The following TTBK2 variants were observed in gnomAD, a reference collection of about 807,000 sequenced individuals.
TTBK2 encodes tau tubulin kinase 2, also known as tau-tubulin kinase 2.
TTBK2 carries 28 observed loss-of-function variants against 110.8 expected under a neutral mutation model. The ratio of observed to expected loss-of-function variants is 0.25; its 90% CI spans 0.19 to 0.35. The LOEUF is 0.35. Among genes scored for constraint, TTBK2 ranks in the 10% least tolerant of loss-of-function variants. The pLI is 1.00. For synonymous variants in TTBK2, 532 were observed against 527.3 expected (o/e 1.01, Z -0.12); for missense variants, 1,369 against 1,500.3 (o/e 0.91, Z 1.45).
At chr15:42,917,613 A>G (rs1163767862) in intron 1 of TTBK2, among the ~76,000 whole-genome samples, 1 of 152,080 alleles carries the variant, frequency 6.6e-6, no homozygotes, top group African/African-American at 2.4e-5. Context: ...TTTCGGCATA[A>G]AAGGTTCTAT....
intron 1 of TTBK2, among the ~76,000 whole-genome samples, chr15:42,884,366 G>A (rs1002248165): frequency 3.5e-4 from 53 of 152,234 alleles, no homozygotes; most frequent in African/African-American, 1.2e-3. Flanking sequence ...CTTGTTCAGC[G>A]CTCATAAAGC....
At position 42,744,299 on chromosome 15, in the gene TTBK2, T is replaced by A. The variant is rs928707597; in HGVS notation, c.*1496A>T. On this transcript the variant is annotated 3_prime_UTR_variant, in exon 15 of 15. Transcript: ENST00000267890. ...GCTTCAGGGCAGCTTTGATGCAGCA[T>A]TAGAAGATGTTCACTTGGGGAGGAA... The A allele has an allele frequency of 6.6e-6, 1 of 152,184 alleles. No homozygotes were observed. Among genetic ancestry groups the A allele is most frequent in the African/African-American group, 2.4e-5 (1 of 41,448 alleles). 9.4% of individuals were successfully genotyped at this position (152,184 alleles called of 1,614,324 possible).
intron 3 of TTBK2, chr15:42,857,593 T>A (rs1217066865): frequency 6.6e-6 from 1 of 151,782 alleles, no homozygotes; most frequent in East Asian, 1.9e-4. Flanking sequence ...CTCCAATGAG[T>A]CTCTAATCCA....
Position 42,746,181 on chromosome 15 carries a change from T to C in TTBK2, c.3349A>G (p.Asn1117Asp). Residue 1117 changes from asparagine to aspartate, a missense_variant, in exon 15 of 15, where the codon AAT becomes GAT. This residue lies in a region of TTBK2 where 1,097 missense variants were observed against 1,114.7 expected (regional missense o/e 0.98). Transcript: ENST00000267890. ...GTGCTCCGGGGTTTCTGAGATCCAT[T>C]TTGAAGAATTTGGGCCAGGCGGGAG... The part of the protein sequence containing the change: ...LFSRLAQILQ[N>D]GSQKPRSTTQ... The C allele has an allele frequency of 6.2e-7, 1 of 1,614,140 alleles. No homozygotes were observed. The highest frequency in any genetic ancestry group is 8.5e-7 in the Non-Finnish European group (1 of 1,180,016).
intron 10 of TTBK2, 97 bp from the exon 11 acceptor site, chr15:42,783,732 A>G: frequency 2.1e-6 from 2 of 971,632 alleles, no homozygotes. Context: ...CTCCACACAT[A>G]ATTAAGAGAG....
chr15:42,900,495 G>A (rs975499413), intron 1 of TTBK2, among the ~76,000 whole-genome samples: 3 of 151,850 alleles, frequency 2.0e-5, no homozygotes, highest in South Asian at 2.1e-4. Flanking sequence ...GACACAGGCC[G>A]ATCACTTGAG....
At chr15:42,786,934 G>A (rs1376821302) in intron 10 of TTBK2, among the ~76,000 whole-genome samples, 1 of 152,200 alleles carries the variant, frequency 6.6e-6, no homozygotes, top group Admixed American at 6.5e-5. Flanking sequence ...ACATAAGAGT[G>A]TTATTAGCAC....
intron 1 of TTBK2, among the ~76,000 whole-genome samples, chr15:42,899,160 T>C (rs1895783095): frequency 6.6e-6 from 1 of 150,400 alleles, no homozygotes; most frequent in Admixed American, 6.9e-5. Context: ...GCCTGGCTAA[T>C]TTTTTTCATA....
chr15:42,827,636 G>C (rs1892587452), intron 6 of TTBK2, among the ~76,000 whole-genome samples: 1 of 152,004 alleles, frequency 6.6e-6, no homozygotes, highest in African/African-American at 2.4e-5. Context: ...AACCGAAATA[G>C]AATTATAGCA....
chr15:42,823,578 T>C (rs1479645942), intron 6 of TTBK2, among the ~76,000 whole-genome samples: 5 of 152,192 alleles, frequency 3.3e-5, no homozygotes. Flanking sequence ...GGAAGTTCTT[T>C]CGTGGTGATA....
rs192033205 is a variant in TTBK2 at position 42,874,134 on chromosome 15, T to C, written c.70-1376A>G. On this transcript the variant is annotated intron_variant, in intron 2 of 14. Transcript: ENST00000267890. ...TTCAAACTGTCATGTTGCTTAACTT[T>C]CCATTGTCAATGTCCTATCCTGCTA... Among the ~76,000 whole-genome samples, 10 of 152,286 alleles carry C rather than the reference T, an allele frequency of 6.6e-5. No individual in the cohort carries two copies. In the East Asian group the frequency reaches 1.9e-3, roughly 29 times the overall value.
chr15:42,913,040 G>C (rs1458370792), intron 1 of TTBK2, among the ~76,000 whole-genome samples: 1 of 150,024 alleles, frequency 6.7e-6, no homozygotes, highest in Non-Finnish European at 1.5e-5. Flanking sequence ...CAGGAGAATG[G>C]CGTGAACCCG....
intron 6 of TTBK2, among the ~76,000 whole-genome samples, chr15:42,817,761 C>T (rs925289760): frequency 6.6e-6 from 1 of 152,178 alleles, no homozygotes; most frequent in Non-Finnish European, 1.5e-5. Flanking sequence ...TGTCTCCTTC[C>T]ACAATGGATT....
At chr15:42,903,998 T>G (rs937799274) in intron 1 of TTBK2, among the ~76,000 whole-genome samples, 34 of 152,182 alleles carry the variant, frequency 2.2e-4, no homozygotes, top group Non-Finnish European at 1.3e-4. Flanking sequence ...AGCAAGGAAC[T>G]GAGGCTCTCA....
At chr15:42,835,695 G>A (rs146744573) in intron 4 of TTBK2, among the ~76,000 whole-genome samples, 23 of 152,026 alleles carry the variant, frequency 1.5e-4, no homozygotes, top group Middle Eastern at 6.8e-3. Context: ...TGATATTTGT[G>A]TTATTATTAA....
chr15:42,878,644 C>T lies in TTBK2; in HGVS notation c.-27G>A. 6.2e-7 allele frequency: 1 copy of T among 1,613,784 alleles called. No individual in the cohort carries two copies. On this transcript the variant is annotated 5_prime_UTR_variant, in exon 2 of 15. It removes the in-frame stop codon of an upstream open reading frame in the 5' UTR. Transcript: ENST00000267890. The stretch of plus-strand genomic sequence containing the variant: ...GCAATACACTGATATGGTAGAACAG[C>T]TACACAGGCATCCAGTTCCCAAGGG...
chr15:42,904,792 A>G (rs527574082), intron 1 of TTBK2, among the ~76,000 whole-genome samples: 34 of 152,210 alleles, frequency 2.2e-4, no homozygotes, highest in South Asian at 8.3e-4. Context: ...TGCCATAACC[A>G]AGTATTGAGC....
At chr15:42,824,314 C>T (rs1892437550) in intron 6 of TTBK2, among the ~76,000 whole-genome samples, 2 of 152,090 alleles carry the variant, frequency 1.3e-5, no homozygotes, top group African/African-American at 4.8e-5. Context: ...CCCTCCCCCA[C>T]CAAAACGTGC....
chr15:42,850,740 TTATATC>T (rs977832381), intron 3 of TTBK2, among the ~76,000 whole-genome samples: 4 of 152,164 alleles, frequency 2.6e-5, no homozygotes, highest in Admixed American at 6.5e-5. Flanking sequence ...CTTTTGGACA[TTATATC>T]TATGTGAAAA....
Sources: gnomAD v4.1 joint callset for allele counts (sites outside exome capture counted in the v4.1 genomes callset) on GRCh38, gnomAD v4.1.1 for gene constraint, gnomAD v4.1.1 regional missense constraint, MANE v1.5 for transcripts, NCBI Gene and HGNC (gene_info 2026-07-23, HGNC 2026-07-21) for gene names.